TBCD: variants seen among roughly 807,000 people sequenced by gnomAD.
The protein encoded by TBCD is tubulin-specific chaperone D.
TBCD carries 105 observed loss-of-function variants against 169.3 expected under a neutral mutation model. That is an observed-to-expected ratio of 0.62 (90% CI 0.53 to 0.73). TBCD has a LOEUF of 0.73. TBCD is among the 30% of genes least tolerant of loss of function. TBCD has a pLI of 0.00. For missense variants in TBCD, 1,444 were observed against 1,600.1 expected (o/e 0.90, Z 1.66); for synonymous variants, 700 against 643.9 (o/e 1.09, Z -1.32).
intron 32 of TBCD, 87 bp downstream of exon 32, chr17:82,929,587 G>A: frequency 6.5e-7 from 1 of 1,546,794 alleles, no homozygotes; most frequent in Non-Finnish European, 8.8e-7. Context: ...GTATGGAGCT[G>A]GGCCTTTTCT....
intron 13 of TBCD, among the ~76,000 whole-genome samples, chr17:82,850,249 T>C (rs1039989273): frequency 6.9e-6 from 1 of 145,236 alleles, no homozygotes; most frequent in Non-Finnish European, 1.5e-5. Context: ...TTGGCTGTGC[T>C]GTTGTTGGCT....
chr17:82,860,959 G>T lies in TBCD; in HGVS notation c.1319-9265G>T, dbSNP rs115113761. Among the ~76,000 whole-genome samples, 1,209 of 152,280 alleles carry T rather than the reference G, an allele frequency of 7.9e-3. 11 individuals carry two copies. The highest frequency in any genetic ancestry group is 0.027 in the African/African-American group (1,114 of 41,558). On this transcript the variant is annotated intron_variant, in intron 13 of 38. Transcript: ENST00000355528. ...GACACAGGGTGGCCAGGGACTTGGC[G>T]GGGGGAGCTCTTCAGAATCTGTCAC...
At chr17:82,902,378 A>G (rs1050801145) in intron 18 of TBCD, among the ~76,000 whole-genome samples, 1 of 152,254 alleles carries the variant, frequency 6.6e-6, no homozygotes, top group Admixed American at 6.5e-5. Flanking sequence ...TCCTTACGCG[A>G]AGAGGCCTCG....
chr17:82,903,532 C>T lies in TBCD; in HGVS notation c.1804+54C>T, dbSNP rs1189980687. On this transcript the variant is annotated intron_variant, in intron 19 of 38. Transcript: ENST00000355528. This position sits in a 1 kb window ranked among gnomAD's most constrained non-coding sequence, Gnocchi z 4.8. ...GCACCATGCATGCACTGCAGAAAGG[C>T]CTGGGTTGCTGGTTTCAAAGGCTGG... The T allele has an allele frequency of 4.6e-6, 7 of 1,518,228 alleles. No homozygotes were observed. Among genetic ancestry groups the T allele is most frequent in the Non-Finnish European group, 5.4e-6 (6 of 1,118,292 alleles). The allele number at this position is 1,518,228 out of a possible 1,614,324, so 94.0% of individuals were successfully genotyped here. A position where few individuals can be genotyped will look rare whatever the true frequency, so the allele number is the denominator to read the frequency against.
intron 34 of TBCD, among the ~76,000 whole-genome samples, chr17:82,935,449 T>C (rs1470890652): frequency 6.6e-6 from 1 of 152,172 alleles, no homozygotes; most frequent in Admixed American, 6.5e-5. Context: ...TCACAGGACT[T>C]TTCCCTGTGC....
chr17:82,846,127 T>G (rs2055015358), intron 13 of TBCD, among the ~76,000 whole-genome samples: 1 of 151,408 alleles, frequency 6.6e-6, no homozygotes, highest in Non-Finnish European at 1.5e-5. Flanking sequence ...CTCAGGCCAG[T>G]GGGCAGAACT....
chr17:82,939,034 G>C, intron 36 of TBCD: 1 of 397,738 alleles, frequency 2.5e-6, no homozygotes. Context: ...TGCTTCTCTG[G>C]TGAGGGAGCA....
chr17:82,905,914 C>T, intron 19 of TBCD, 22 bp from the exon 20 acceptor site: 3 of 1,589,364 alleles, frequency 1.9e-6, no homozygotes, highest in Non-Finnish European at 2.6e-6. Flanking sequence ...CTCACCTGCC[C>T]TCTCGGCCCT....
intron 16 of TBCD, among the ~76,000 whole-genome samples, chr17:82,891,054 G>T (rs995077334): frequency 3.9e-5 from 6 of 152,212 alleles, no homozygotes; most frequent in Non-Finnish European, 8.8e-5. Flanking sequence ...GCCAGAGCCC[G>T]GGGTGACGAC....
chr17:82,920,320 C>G lies in TBCD; in HGVS notation c.2039-236C>G. 1 of 578,662 alleles carries G rather than the reference C, an allele frequency of 1.7e-6. No homozygotes were observed. The highest frequency in any genetic ancestry group is 3.0e-6 in the Non-Finnish European group (1 of 329,184). 35.8% of individuals were successfully genotyped at this position (578,662 alleles called of 1,614,324 possible). On this transcript the variant is annotated intron_variant, in intron 23 of 38. Coordinates refer to ENST00000355528, the MANE Select transcript of TBCD (RefSeq NM_005993.5). The surrounding 1 kb of genome is among the most constrained non-coding windows in gnomAD (Gnocchi z 4.1). Reference sequence around the variant, plus strand: ...GGGCTCACACATGGGCCTTCTGCCACGTGGCTGGGTCTGCAGCACTTTCTT... The same window carrying G: ...GGGCTCACACATGGGCCTTCTGCCAGGTGGCTGGGTCTGCAGCACTTTCTT...
intron 13 of TBCD, chr17:82,838,961 T>C (rs746955803): frequency 1.7e-4 from 169 of 985,298 alleles, no homozygotes; most frequent in Middle Eastern, 5.2e-4. Context: ...CTGTGCTTGG[T>C]CAGTAATTGT....
rs1360103697 is a variant in TBCD at position 82,835,044 on chromosome 17, C to G, written c.1318+20110C>G. On this transcript the variant is annotated intron_variant, in intron 13 of 38. Coordinates refer to ENST00000355528, the MANE Select transcript of TBCD (RefSeq NM_005993.5). The surrounding 1 kb of genome is among the most constrained non-coding windows in gnomAD (Gnocchi z 4.5). ...CACCACCGCACTGCAGCCTGGTGGG[C>G]AACAGAATGAGACCCTGCCTCAAAA... Among the ~76,000 whole-genome samples the G allele has an allele frequency of 1.3e-5, 2 of 151,904 alleles. No homozygotes were observed. Among genetic ancestry groups the G allele is most frequent in the Non-Finnish European group, 2.9e-5 (2 of 68,014 alleles).
At position 82,858,514 on chromosome 17, in the gene TBCD, G is replaced by A. The variant is rs149105577; in HGVS notation, c.1319-11710G>A. ...GGGCAGTTCTACAGGTACTACGGCT[G>A]GAGGATCCCAGTTGACTTGAAATTC... is the stretch of plus-strand genomic sequence containing the variant. On this transcript the variant is annotated intron_variant, in intron 13 of 38. Coordinates refer to ENST00000355528, the MANE Select transcript of TBCD (RefSeq NM_005993.5). The A allele has an allele frequency of 1.5e-4, 146 of 950,776 alleles. 2 individuals carry two copies. The East Asian group carries it at 0.011, about 74-fold the overall frequency. 58.9% of individuals were successfully genotyped at this position (950,776 alleles called of 1,614,324 possible). A position where few individuals can be genotyped will look rare whatever the true frequency, so the allele number is the denominator to read the frequency against.
At chr17:82,755,600 G>T (rs1350750632) in intron 1 of TBCD, among the ~76,000 whole-genome samples, 1 of 152,154 alleles carries the variant, frequency 6.6e-6, no homozygotes, top group Non-Finnish European at 1.5e-5. Flanking sequence ...CGAGAGGAGG[G>T]TATAATGAGG....
At chr17:82,768,918 A>G (rs545641570) in intron 5 of TBCD, among the ~76,000 whole-genome samples, 2 of 152,350 alleles carry the variant, frequency 1.3e-5, no homozygotes, top group South Asian at 4.1e-4. Flanking sequence ...GAACTAGAAA[A>G]TAAAGATAAG....
intron 6 of TBCD, among the ~76,000 whole-genome samples, chr17:82,776,807 C>G (rs1252586208): frequency 2.0e-5 from 3 of 152,196 alleles, no homozygotes; most frequent in African/African-American, 7.2e-5. Flanking sequence ...CAGCTGCTCT[C>G]TGAGCAGTGC....
In TBCD at chr17:82,756,224, A is replaced by G; in HGVS notation, c.235+9A>G. 1 of 1,607,070 alleles carries G rather than the reference A, an allele frequency of 6.2e-7. No homozygotes were observed. Among genetic ancestry groups the G allele is most frequent in the Admixed American group, 1.7e-5 (1 of 59,058 alleles). ...GTTGGACCCGCACCTTGGTAAGAAT[A>G]GAAGCTGCTGATTTTGATCATTCAG... On this transcript the variant is annotated intron_variant, in intron 2 of 38. Transcript: ENST00000355528.
At chr17:82,802,008 C>T (rs112984217) in intron 9 of TBCD, among the ~76,000 whole-genome samples, 6,244 of 149,586 alleles carry the variant, frequency 0.042, 243 homozygotes, top group African/African-American at 0.11. Flanking sequence ...GGCGTGGCAG[C>T]GTGTGTGCGT....
intron 6 of TBCD, among the ~76,000 whole-genome samples, chr17:82,778,868 G>A (rs2048762716): frequency 6.6e-6 from 1 of 151,996 alleles, no homozygotes; most frequent in African/African-American, 2.4e-5. Flanking sequence ...CACCATAGTG[G>A]CCAGGGTGGT....
Sources: allele counts gnomAD v4.1 joint callset (sites outside exome capture counted in the v4.1 genomes callset), GRCh38; gene constraint gnomAD v4.1.1; non-coding constraint Gnocchi (gnomAD v3.1); transcripts MANE v1.5; gene names NCBI Gene and HGNC (gene_info 2026-07-23, HGNC 2026-07-21).